EIF3K: variants seen among roughly 807,000 people sequenced by gnomAD.
EIF3K encodes eIF-3 p28.
A neutral mutation model predicts 34.2 loss-of-function variants in EIF3K; 27 were observed. The observed-to-expected ratio is 0.79, with a 90% CI of 0.58 to 1.09. The LOEUF is 1.09. EIF3K is among the 50% of genes least tolerant of loss of function. The pLI, the probability that EIF3K is intolerant of heterozygous loss-of-function variation, is 0.00. For missense variants in EIF3K, 232 were observed against 275.4 expected (o/e 0.84, Z 1.11); for synonymous variants, 105 against 105.7 (o/e 0.99, Z 0.04).
At chr19:38,635,470 A>G in intron 7 of EIF3K, 1 of 379,298 alleles carries the variant, frequency 2.6e-6, no homozygotes, top group Non-Finnish European at 4.8e-6. Context: ...TCATGTGCAG[A>G]CTTGGAATCC....
At chr19:38,632,548 C>A in intron 5 of EIF3K, 52 bp downstream of exon 5, 1 of 1,613,480 alleles carries the variant, frequency 6.2e-7, no homozygotes, top group Non-Finnish European at 8.5e-7. Flanking sequence ...TAGGGAGTGG[C>A]AGCCAGGTCC....
intron 4 of EIF3K, chr19:38,632,013 C>G: frequency 5.2e-6 from 1 of 190,590 alleles, no homozygotes; most frequent in Non-Finnish European, 1.1e-5. Context: ...TTTCTTAGTA[C>G]AGAATAAAAT....
chr19:38,619,351 G>T (rs753286144), intron 1 of EIF3K, 24 bp downstream of exon 1: 2 of 1,613,220 alleles, frequency 1.2e-6, no homozygotes, highest in Admixed American at 1.7e-5. Flanking sequence ...TGGAGGAAGC[G>T]CTCTGGCCAA....
intron 2 of EIF3K, among the ~76,000 whole-genome samples, chr19:38,622,624 G>A (rs950397642): frequency 6.6e-6 from 1 of 152,196 alleles, no homozygotes; most frequent in East Asian, 1.9e-4. Flanking sequence ...CAGGAGACAG[G>A]GTTTTGAGAT....
chr19:38,619,636 A>G (rs1975795196), intron 1 of EIF3K, among the ~76,000 whole-genome samples: 1 of 152,108 alleles, frequency 6.6e-6, no homozygotes, highest in East Asian at 1.9e-4. Flanking sequence ...TAGAAGCGAG[A>G]GAATCTTGGT....
At chr19:38,635,159 G>T in intron 7 of EIF3K, 41 bp downstream of exon 7, 1 of 1,613,474 alleles carries the variant, frequency 6.2e-7, no homozygotes, top group South Asian at 1.1e-5. Context: ...GGGCTAAGGG[G>T]GTGCCCCTCA....
intron 2 of EIF3K, among the ~76,000 whole-genome samples, chr19:38,621,045 T>C (rs1169349778): frequency 6.6e-6 from 1 of 150,972 alleles, no homozygotes; most frequent in Non-Finnish European, 1.5e-5. Flanking sequence ...TACGAAAAAA[T>C]TTAAAAATTA....
intron 4 of EIF3K, among the ~76,000 whole-genome samples, chr19:38,631,670 C>T (rs1372365207): frequency 6.6e-6 from 1 of 152,230 alleles, no homozygotes; most frequent in Non-Finnish European, 1.5e-5. Flanking sequence ...TCCTCCTCAG[C>T]ACAGACCCTT....
chr19:38,626,301 G>A (rs143372999), intron 4 of EIF3K, 199 bp downstream of exon 4: 113 of 604,124 alleles, frequency 1.9e-4, no homozygotes, highest in African/African-American at 1.8e-3. Context: ...GGCTGAGGCC[G>A]ACCCTTTCCC....
intron 7 of EIF3K, chr19:38,635,840 C>T (rs912647728): frequency 4.6e-5 from 7 of 152,422 alleles, no homozygotes; most frequent in South Asian, 2.1e-4. Context: ...GCTTCACTGC[C>T]GCTCATCATG....
chr19:38,620,403 T>G lies in EIF3K; in HGVS notation c.126T>G (p.Tyr42Ter). 6.2e-7 allele frequency: 1 copy of G among 1,614,016 alleles called. No individual in the cohort carries two copies. Among genetic ancestry groups the G allele is most frequent in the Non-Finnish European group, 8.5e-7 (1 of 1,179,968 alleles). ...YVETQAKENA[Y>*]DLEANLAVLK... ...AGACGCAGGCCAAGGAAAATGCCTA[T>G]GATCTGGAAGCCAACCTGGCTGTCC... The change falls in exon 2 of 8, where the codon TAT becomes TAG. Residue 42 changes from tyrosine (Y) to a stop codon, truncating the protein, a stop_gained. Coordinates refer to ENST00000248342, the MANE Select transcript of EIF3K (RefSeq NM_013234.4). LOFTEE classifies it high-confidence loss of function.
intron 2 of EIF3K, among the ~76,000 whole-genome samples, chr19:38,623,698 C>G (rs1975890009): frequency 1.3e-5 from 2 of 151,844 alleles, no homozygotes; most frequent in Admixed American, 1.3e-4. Flanking sequence ...TTCAGTGCCT[C>G]TTAATCTCTC....
chr19:38,632,242 CT>C (rs1229545201), intron 4 of EIF3K, 187 bp from the exon 5 acceptor site: 12 of 585,494 alleles, frequency 2.0e-5, no homozygotes, highest in Non-Finnish European at 3.0e-5. Context: ...ATAGTGAGAC[CT>C]CGTCTATGTA....
chr19:38,624,549 C>T (rs894341010), intron 3 of EIF3K, among the ~76,000 whole-genome samples: 2 of 152,108 alleles, frequency 1.3e-5, no homozygotes, highest in African/African-American at 4.8e-5. Context: ...ACCAGCCTGG[C>T]CAACATGGCG....
At chr19:38,635,269 G>C in intron 7 of EIF3K, 151 bp downstream of exon 7, 1 of 1,140,714 alleles carries the variant, frequency 8.8e-7, no homozygotes, top group Non-Finnish European at 1.3e-6. Context: ...TTGTGTCTTG[G>C]GGCTCCCGCC....
intron 2 of EIF3K, among the ~76,000 whole-genome samples, chr19:38,622,077 A>G (rs1329334667): frequency 3.4e-5 from 5 of 146,872 alleles, no homozygotes; most frequent in Non-Finnish European, 6.0e-5. Context: ...AGCTAATTTT[A>G]CTTGGGTGCT....
chr19:38,633,012 T>C, intron 6 of EIF3K: 1 of 264,166 alleles, frequency 3.8e-6, no homozygotes. Context: ...TGGTGATTCC[T>C]GTCATGAAGG....
rs146452848 is a variant in EIF3K, at chr19:38,625,188, G to A, written c.280-840G>A. Reference sequence around the variant, plus strand: ...ATTTATTTTATTTTTTTTTTGAGACGGAGCCTTGCTCTGTCACCCAGTCTG... The same window carrying A: ...ATTTATTTTATTTTTTTTTTGAGACAGAGCCTTGCTCTGTCACCCAGTCTG... On this transcript the variant is annotated intron_variant, in intron 3 of 7. Coordinates refer to ENST00000248342, the MANE Select transcript of EIF3K (RefSeq NM_013234.4). 3.7e-3 allele frequency among the ~76,000 whole-genome samples: 562 copies of A among 151,096 alleles called. 3 individuals are homozygous for A. The highest frequency in any genetic ancestry group is 0.013 in the African/African-American group (516 of 41,144).
At chr19:38,631,320 G>C (rs566997721) in intron 4 of EIF3K, among the ~76,000 whole-genome samples, 6 of 152,268 alleles carry the variant, frequency 3.9e-5, no homozygotes, top group African/African-American at 1.2e-4. Context: ...GATCATTATT[G>C]GGTGTTTCTC....
Sources: gnomAD v4.1 joint callset for allele counts (sites outside exome capture counted in the v4.1 genomes callset) on GRCh38, gnomAD v4.1.1 for gene constraint, MANE v1.5 for transcripts, NCBI Gene and HGNC (gene_info 2026-07-23, HGNC 2026-07-21) for gene names.